Variants in AVL9 observed in about 807,000 individuals in gnomAD.
The protein encoded by AVL9 is late secretory pathway protein AVL9 homolog.
In AVL9, 49 loss-of-function variants were observed where a neutral mutation model predicts 79.2. The ratio of observed to expected loss-of-function variants is 0.62; its 90% CI spans 0.49 to 0.79. The LOEUF (loss-of-function observed/expected upper bound fraction) is 0.79. Ranked by LOEUF, AVL9 falls within the 30% of genes least tolerant of loss-of-function variation. The pLI is 0.00. For synonymous variants in AVL9, 299 were observed against 280.6 expected (o/e 1.07, Z -0.65); for missense variants, 682 against 776.8 (o/e 0.88, Z 1.45).
Position 32,548,832 on chromosome 7 carries a change from C to A in AVL9, c.301-15C>A. ...TATGAAATATTTCTGATAAATTGCT[C>A]TTTGTTCATAATAGGCACTGAAAGT... On this transcript the variant is annotated splice_polypyrimidine_tract_variant and intron_variant, in intron 3 of 15. Coordinates refer to ENST00000318709, the MANE Select transcript of AVL9 (RefSeq NM_015060.3). 1 of 1,523,720 alleles carries A rather than the reference C, an allele frequency of 6.6e-7. No individual in the cohort carries two copies. The allele number at this position is 1,523,720 out of a possible 1,614,324, so 94.4% of individuals were successfully genotyped here.
At chr7:32,565,090 C>T (rs1398671409) in intron 10 of AVL9, among the ~76,000 whole-genome samples, 1 of 152,172 alleles carries the variant, frequency 6.6e-6, no homozygotes, top group African/African-American at 2.4e-5. Context: ...ATTGGCTGCA[C>T]ATTGGAGCAA....
intron 1 of AVL9, among the ~76,000 whole-genome samples, chr7:32,529,936 A>G (rs746672829): frequency 5.9e-4 from 90 of 152,214 alleles, no homozygotes; most frequent in African/African-American, 1.9e-3. Context: ...ATTATGTCTG[A>G]GATTGGTCCA....
intron 1 of AVL9, among the ~76,000 whole-genome samples, chr7:32,519,760 T>C (rs1165310765): frequency 1.3e-5 from 2 of 152,224 alleles, no homozygotes; most frequent in Non-Finnish European, 2.9e-5. Context: ...CATTCTTACA[T>C]TGCTGTAAAG....
intron 8 of AVL9, among the ~76,000 whole-genome samples, chr7:32,558,346 C>T (rs536408112): frequency 3.3e-5 from 5 of 151,946 alleles, no homozygotes; most frequent in East Asian, 1.9e-4. Context: ...TTAGTAGAGA[C>T]GGGGTTTCAC....
rs1791716570 is a variant in AVL9 at position 32,585,124 on chromosome 7, C to T, written c.*1217C>T. The T allele has an allele frequency of 6.6e-6, 1 of 152,084 alleles. No homozygotes were observed. The highest frequency in any genetic ancestry group is 3.2e-3 in the Middle Eastern group (1 of 316). 9.4% of individuals were successfully genotyped at this position (152,084 alleles called of 1,614,324 possible). Reference sequence around the variant, plus strand: ...GTGTTTGCAGACCTACAGCTTTTCTCGTAGTCTTATTCATAAAGCTTTTCA... The same window carrying T: ...GTGTTTGCAGACCTACAGCTTTTCTTGTAGTCTTATTCATAAAGCTTTTCA... On this transcript the variant is annotated 3_prime_UTR_variant, in exon 16 of 16. Transcript: ENST00000318709.
intron 1 of AVL9, among the ~76,000 whole-genome samples, chr7:32,540,773 A>G (rs890256789): frequency 1.3e-4 from 20 of 149,336 alleles, no homozygotes; most frequent in African/African-American, 4.4e-4. Flanking sequence ...GTTGTCAAAT[A>G]TTCAGTCTTT....
intron 10 of AVL9, among the ~76,000 whole-genome samples, chr7:32,564,560 TAATAA>T (rs1192190127): frequency 1.3e-5 from 2 of 152,198 alleles, no homozygotes; most frequent in Non-Finnish European, 2.9e-5. Flanking sequence ...AATTTCTACA[TAATAA>T]AATAATTATT....
chr7:32,579,573 ATTAT>A, intron 13 of AVL9, among the ~76,000 whole-genome samples: 1 of 1,054 alleles, frequency 9.5e-4, no homozygotes, highest in Non-Finnish European at 2.0e-3. Flanking sequence ...TATATATTAT[ATTAT>A]ATATTATATA....
At chr7:32,520,403 C>T (rs1478162831) in intron 1 of AVL9, among the ~76,000 whole-genome samples, 1 of 152,128 alleles carries the variant, frequency 6.6e-6, no homozygotes, top group Non-Finnish European at 1.5e-5. Flanking sequence ...ATGCACGACC[C>T]ACAGCTCACT....
chr7:32,506,570 C>T (rs1290256477), intron 1 of AVL9, among the ~76,000 whole-genome samples: 1 of 152,066 alleles, frequency 6.6e-6, no homozygotes, highest in Non-Finnish European at 1.5e-5. Flanking sequence ...TGAAACTTTC[C>T]ATTTAAAATT....
chr7:32,525,085 C>T (rs546633658), intron 1 of AVL9, among the ~76,000 whole-genome samples: 7 of 152,184 alleles, frequency 4.6e-5, no homozygotes, highest in South Asian at 4.2e-4. Flanking sequence ...CTGTTTGGCT[C>T]GTGAATGGCA....
rs112504066 is a variant in AVL9 at position 32,575,992 on chromosome 7, T to C, written c.1608T>C (p.Phe536=). The C allele has an allele frequency of 2.0e-3, 3,270 of 1,614,012 alleles. 56 individuals are homozygous for C. In the African/African-American group the frequency reaches 0.038, roughly 19 times the overall value. ...EKILSDYGTT[F]VTAWKNTHNY... ...TATTATCGGACTATGGGACAACTTT[T>C]GTTACAGCATGGAAGAATACTCACA... The change falls in exon 13 of 16, where the codon TTT becomes TTC. Residue 536 remains phenylalanine (F), a synonymous_variant. Coordinates refer to ENST00000318709, the MANE Select transcript of AVL9 (RefSeq NM_015060.3).
chr7:32,523,736 C>CTTTTTT (rs57458179), intron 1 of AVL9, among the ~76,000 whole-genome samples: 59 of 125,430 alleles, frequency 4.7e-4, no homozygotes, highest in East Asian at 6.9e-4. Context: ...CTTTTCTTTT[C>CTTTTTT]TTTTTTTTTT....
chr7:32,520,347 A>T (rs999335479), intron 1 of AVL9, among the ~76,000 whole-genome samples: 3 of 152,144 alleles, frequency 2.0e-5, no homozygotes, highest in Non-Finnish European at 4.4e-5. Context: ...TAAGGACAAA[A>T]TTTTTTATTT....
At chr7:32,543,946 T>C (rs2128134686) in intron 2 of AVL9, among the ~76,000 whole-genome samples, 1 of 151,558 alleles carries the variant, frequency 6.6e-6, no homozygotes, top group South Asian at 2.1e-4. Flanking sequence ...TCTCACTATG[T>C]TGCCCTGTTG....
rs1159169825 is a variant in AVL9 at position 32,579,494 on chromosome 7, CATATTAT to C, written c.1689-708_1689-702del. 8.5e-3 allele frequency among the ~76,000 whole-genome samples: 14 copies of C among 1,638 alleles called. 5 individuals are homozygous for C. Among genetic ancestry groups the C allele is most frequent in the African/African-American group, 0.052 (13 of 252 alleles). 1.1% of individuals were successfully genotyped at this position (1,638 alleles called of 152,430 possible). On this transcript the variant is annotated intron_variant, in intron 13 of 15. Coordinates refer to ENST00000318709, the MANE Select transcript of AVL9 (RefSeq NM_015060.3). The stretch of plus-strand genomic sequence containing the variant: ...ATATTATATTATATATAATATATTA[CATATTAT>C]ATATTATATATTATATTATATATTA...
At chr7:32,583,759 A>T in intron 15 of AVL9, 33 bp from the exon 16 acceptor site, 1 of 1,391,564 alleles carries the variant, frequency 7.2e-7, no homozygotes, top group East Asian at 2.3e-5. Context: ...AAGTTAAGAC[A>T]TTTTTCCTTT....
At chr7:32,568,362 G>C (rs1433133088) in intron 10 of AVL9, among the ~76,000 whole-genome samples, 1 of 151,426 alleles carries the variant, frequency 6.6e-6, no homozygotes, top group Non-Finnish European at 1.5e-5. Flanking sequence ...CACCATGCCT[G>C]GCTAATTTTT....
chr7:32,544,613 C>A, intron 2 of AVL9, 81 bp from the exon 3 acceptor site: 2 of 920,472 alleles, frequency 2.2e-6, no homozygotes, highest in African/African-American at 1.7e-5. Context: ...TTAATGACTG[C>A]ATTATGATAG....
Sources: allele counts gnomAD v4.1 joint callset (sites outside exome capture counted in the v4.1 genomes callset), GRCh38; gene constraint gnomAD v4.1.1; transcripts MANE v1.5; gene names NCBI Gene and HGNC (gene_info 2026-07-23, HGNC 2026-07-21).